GRID2: variants seen among roughly 807,000 people sequenced by gnomAD.
The protein encoded by GRID2 is glutamate receptor ionotropic, delta-2.
In GRID2, 33 loss-of-function variants were observed where a neutral mutation model predicts 114.8. The observed-to-expected ratio is 0.29, with a 90% CI of 0.22 to 0.38. The LOEUF (loss-of-function observed/expected upper bound fraction) is 0.38. GRID2 is among the 10% of genes least tolerant of loss of function. GRID2 has a pLI of 1.00. For missense variants in GRID2, 1,184 were observed against 1,257.7 expected (o/e 0.94, Z 0.89); for synonymous variants, 505 against 449.9 (o/e 1.12, Z -1.55).
intron 2 of GRID2, among the ~76,000 whole-genome samples, chr4:93,073,251 G>A (rs758534254): frequency 5.3e-5 from 8 of 152,150 alleles, no homozygotes; most frequent in African/African-American, 9.7e-5. Context: ...GATGTGTACC[G>A]TGGACTGAGC....
At chr4:93,108,895 C>A (rs1254177554) in intron 3 of GRID2, among the ~76,000 whole-genome samples, 1 of 152,102 alleles carries the variant, frequency 6.6e-6, no homozygotes, top group Non-Finnish European at 1.5e-5. Flanking sequence ...TCCCAAAGTC[C>A]TGGGATTACA....
At chr4:93,252,975 C>T (rs112161328) in intron 8 of GRID2, among the ~76,000 whole-genome samples, 62 of 151,788 alleles carry the variant, frequency 4.1e-4, no homozygotes, top group African/African-American at 1.0e-3. Context: ...TCAGGCCGGA[C>T]GAAGTGGTTT....
intron 2 of GRID2, among the ~76,000 whole-genome samples, chr4:92,847,572 CAT>C (rs1267447898): frequency 1.3e-5 from 2 of 150,380 alleles, no homozygotes; most frequent in African/African-American, 2.4e-5. Context: ...ATTTTGATAA[CAT>C]AAAGAGATGT....
rs769230370 is a variant in GRID2 at position 92,447,079 on chromosome 4, A to G, written c.88+142335A>G. 4.6e-5 allele frequency among the ~76,000 whole-genome samples: 7 copies of G among 152,206 alleles called. 1 individual carries two copies. The highest frequency in any genetic ancestry group is 7.4e-5 in the Non-Finnish European group (5 of 68,024). ...TATCCTCTTTAAAAGTACTTTTATA[A>G]CTGTGATATTACTTTAATATTTTAA... On this transcript the variant is annotated intron_variant, in intron 1 of 15. Transcript: ENST00000282020.
At chr4:93,421,363 C>A (rs1326487982) in intron 9 of GRID2, among the ~76,000 whole-genome samples, 3 of 152,148 alleles carry the variant, frequency 2.0e-5, no homozygotes, top group African/African-American at 7.2e-5. Flanking sequence ...GAGAACTCCT[C>A]TGGAGGACAA....
intron 13 of GRID2, among the ~76,000 whole-genome samples, chr4:93,622,827 C>A (rs1742333293): frequency 6.6e-6 from 1 of 152,110 alleles, no homozygotes; most frequent in African/African-American, 2.4e-5. Context: ...TAAAAGGCAA[C>A]AATTAAATAT....
At chr4:92,641,369 C>T (rs537622477) in intron 2 of GRID2, among the ~76,000 whole-genome samples, 1 of 151,634 alleles carries the variant, frequency 6.6e-6, no homozygotes, top group East Asian at 1.9e-4. Context: ...ACTGAAGCCT[C>T]GAAATCCTGG....
chr4:93,372,806 G>T (rs142618919), intron 8 of GRID2, among the ~76,000 whole-genome samples: 119 of 152,236 alleles, frequency 7.8e-4, no homozygotes, highest in African/African-American at 2.5e-3. Context: ...ACTGTGAGAA[G>T]ATAGTAACTT....
chr4:92,824,876 GT>G (rs1741573612), intron 2 of GRID2, among the ~76,000 whole-genome samples: 1 of 152,000 alleles, frequency 6.6e-6, no homozygotes, highest in Non-Finnish European at 1.5e-5. Context: ...AAAATAGGTT[GT>G]TAGAAAAACT....
intron 8 of GRID2, among the ~76,000 whole-genome samples, chr4:93,394,599 A>G (rs1271108340): frequency 6.6e-6 from 1 of 151,986 alleles, no homozygotes; most frequent in Non-Finnish European, 1.5e-5. Flanking sequence ...AGGAAACAGC[A>G]CAAATAACCA....
chr4:92,660,217 T>G (rs1732453699), intron 2 of GRID2, among the ~76,000 whole-genome samples: 1 of 151,284 alleles, frequency 6.6e-6, no homozygotes, highest in Non-Finnish European at 1.5e-5. Flanking sequence ...AAGTGATGTG[T>G]TTTATTCATA....
intron 8 of GRID2, chr4:93,302,574 G>A (rs1437909604): frequency 2.2e-6 from 1 of 456,060 alleles, no homozygotes; most frequent in South Asian, 1.5e-5. Flanking sequence ...GAAAAATTTG[G>A]AATTACAGGT....
chr4:93,299,298 G>A (rs1003197033), intron 8 of GRID2, among the ~76,000 whole-genome samples: 2 of 152,068 alleles, frequency 1.3e-5, no homozygotes, highest in Non-Finnish European at 2.9e-5. Flanking sequence ...GCAGTAGAAA[G>A]GCAAGGCCTG....
chr4:92,601,195 T>C (rs1210034206), intron 2 of GRID2, among the ~76,000 whole-genome samples: 2 of 152,204 alleles, frequency 1.3e-5, no homozygotes, highest in Non-Finnish European at 2.9e-5. Context: ...CTGATAGATA[T>C]CAATAGAACT....
intron 1 of GRID2, among the ~76,000 whole-genome samples, chr4:92,344,856 T>C (rs1727685440): frequency 1.3e-5 from 2 of 152,186 alleles, no homozygotes; most frequent in South Asian, 4.1e-4. Flanking sequence ...CTGGCCTTTT[T>C]TGAAATGTAG....
At chr4:93,167,766 CA>C (rs1738394279) in intron 4 of GRID2, among the ~76,000 whole-genome samples, 1 of 150,190 alleles carries the variant, frequency 6.7e-6, no homozygotes, top group Non-Finnish European at 1.5e-5. Context: ...ATTAAGAAAT[CA>C]TTTTTTTTCT....
intron 1 of GRID2, among the ~76,000 whole-genome samples, chr4:92,325,628 A>G (rs1027224271): frequency 7.2e-5 from 11 of 151,812 alleles, no homozygotes; most frequent in African/African-American, 2.7e-4. Flanking sequence ...TTAGTTTAAC[A>G]TGACAGAAAA....
At chr4:92,992,264 CAG>C (rs973348652) in intron 2 of GRID2, among the ~76,000 whole-genome samples, 2 of 152,068 alleles carry the variant, frequency 1.3e-5, no homozygotes, top group Non-Finnish European at 2.9e-5. Flanking sequence ...AAATTTAGGT[CAG>C]AGGGGGGCAT....
chr4:93,616,160 A>G (rs545645234), intron 13 of GRID2, among the ~76,000 whole-genome samples: 1 of 152,284 alleles, frequency 6.6e-6, no homozygotes, highest in East Asian at 1.9e-4. Context: ...TTTAATTATG[A>G]AAGCTTTAAT....
Sources: allele counts gnomAD v4.1 joint callset (sites outside exome capture counted in the v4.1 genomes callset), GRCh38; gene constraint gnomAD v4.1.1; transcripts MANE v1.5; gene names NCBI Gene and HGNC (gene_info 2026-07-23, HGNC 2026-07-21).